ECPAS: variants seen among roughly 807,000 people sequenced by gnomAD.
The protein encoded by ECPAS is proteasome adapter and scaffold protein ECM29.
Under a neutral mutation model 255.1 loss-of-function variants are expected in ECPAS, and 70 were observed. The observed-to-expected ratio is 0.27, with a 90% CI of 0.23 to 0.33. ECPAS has a LOEUF of 0.33. Among genes scored for constraint, ECPAS ranks in the 10% least tolerant of loss-of-function variants. The pLI is 1.00. For synonymous variants in ECPAS, 784 were observed against 775.0 expected, an observed-to-expected ratio of 1.01 and a Z score of -0.19; for missense variants, 1,817 against 2,206.4, an observed-to-expected ratio of 0.82 and a Z score of 3.54.
rs907192674 is a variant in ECPAS, at chr9:111,373,077, T to A, written c.4336+93A>T. 3.1e-6 allele frequency: 3 copies of A among 975,950 alleles called. No individual in the cohort carries two copies. In the East Asian group the frequency reaches 7.2e-5, roughly 23 times the overall value. 60.5% of individuals were successfully genotyped at this position (975,950 alleles called of 1,614,324 possible). A position where few individuals can be genotyped will look rare whatever the true frequency, so the allele number is the denominator to read the frequency against. On this transcript the variant is annotated intron_variant, in intron 41 of 49. Coordinates refer to ENST00000684092, the MANE Select transcript of ECPAS (RefSeq NM_001364929.1). ...AAACAAATGTTTCTAGCAAATCACATAAAATCATGGAGGGTAAGACCTAAT... is the reference window on the plus strand; with the variant it reads ...AAACAAATGTTTCTAGCAAATCACAAAAAATCATGGAGGGTAAGACCTAAT...
At chr9:111,450,202 G>C (rs1285314155) in intron 3 of ECPAS, among the ~76,000 whole-genome samples, 2 of 152,122 alleles carry the variant, frequency 1.3e-5, no homozygotes, top group Non-Finnish European at 2.9e-5. Context: ...TAACAAAACT[G>C]ATAAGGCTAA....
rs1244283323 is a variant in ECPAS at position 111,364,128 on chromosome 9, T to C, written c.5309-469A>G. Reference sequence around the variant, plus strand: ...TGCCTGTTCTTTATCCATAAAAGGATGCTGCTGCCAACAACTGCGAATGAA... The same window carrying C: ...TGCCTGTTCTTTATCCATAAAAGGACGCTGCTGCCAACAACTGCGAATGAA... On this transcript the variant is annotated intron_variant, in intron 48 of 49. Transcript: ENST00000684092. 2.0e-5 allele frequency among the ~76,000 whole-genome samples: 3 copies of C among 152,226 alleles called. No individual in the cohort carries two copies. The East Asian group carries it at 5.8e-4, about 29-fold the overall frequency.
At chr9:111,467,800 T>C (rs988645286) in intron 2 of ECPAS, among the ~76,000 whole-genome samples, 1 of 152,154 alleles carries the variant, frequency 6.6e-6, no homozygotes, top group Non-Finnish European at 1.5e-5. Context: ...CACAAAGCAG[T>C]TTCACATGGC....
chr9:111,434,228 C>T (rs1700297953), intron 7 of ECPAS, among the ~76,000 whole-genome samples: 1 of 152,118 alleles, frequency 6.6e-6, no homozygotes, highest in South Asian at 2.1e-4. Context: ...ATACAACTTA[C>T]TTTTAACAAC....
At chr9:111,401,385 A>G (rs1239594498) in intron 24 of ECPAS, among the ~76,000 whole-genome samples, 2 of 152,208 alleles carry the variant, frequency 1.3e-5, no homozygotes, top group African/African-American at 4.8e-5. Flanking sequence ...GGATTTTGAA[A>G]GGGGAGGGGG....
In ECPAS at chr9:111,411,831, C is replaced by A. The variant is rs73656246; in HGVS notation, c.2214+183G>T. 12 of 515,984 alleles carry A rather than the reference C, an allele frequency of 2.3e-5. No individual in the cohort carries two copies. The East Asian group carries it at 3.8e-4, about 16-fold the overall frequency. 32.0% of individuals were successfully genotyped at this position (515,984 alleles called of 1,614,324 possible). A position where few individuals can be genotyped will look rare whatever the true frequency, so the allele number is the denominator to read the frequency against. ...AAAACAGTGCTTATCAGACACAGCA[C>A]CCGTATCTGTTAAGTGAGCTGACTG... is the stretch of plus-strand genomic sequence containing the variant. On this transcript the variant is annotated intron_variant, in intron 21 of 49. Coordinates refer to ENST00000684092, the MANE Select transcript of ECPAS (RefSeq NM_001364929.1).
At chr9:111,391,433 C>T (rs1206251223) in intron 29 of ECPAS, among the ~76,000 whole-genome samples, 1 of 151,982 alleles carries the variant, frequency 6.6e-6, no homozygotes, top group Admixed American at 6.6e-5. Context: ...AAAAATTAGC[C>T]AGGCGTGGTG....
At chr9:111,408,443 G>GCTT (rs1161615542) in intron 24 of ECPAS, 128 bp downstream of exon 24, 1 of 589,086 alleles carries the variant, frequency 1.7e-6, no homozygotes, top group Admixed American at 3.4e-5. Flanking sequence ...TAGTACTCAA[G>GCTT]TATCTGGTGA....
At chr9:111,394,014 C>A in intron 26 of ECPAS, 146 bp downstream of exon 26, 1 of 854,156 alleles carries the variant, frequency 1.2e-6, no homozygotes, top group Non-Finnish European at 1.7e-6. Context: ...AGCCTATATA[C>A]ATCAGGCCAC....
intron 18 of ECPAS, among the ~76,000 whole-genome samples, chr9:111,416,004 C>T (rs1419304792): frequency 6.6e-6 from 1 of 152,114 alleles, no homozygotes; most frequent in Non-Finnish European, 1.5e-5. Flanking sequence ...TAACTTGCTG[C>T]AAAATCCCAA....
At chr9:111,475,713 G>A (rs1327500722) in intron 1 of ECPAS, among the ~76,000 whole-genome samples, 1 of 150,822 alleles carries the variant, frequency 6.6e-6, no homozygotes, top group Non-Finnish European at 1.5e-5. Context: ...TCCAGCCTGA[G>A]TGACAGAGTG....
chr9:111,413,287 T>C lies in ECPAS; in HGVS notation c.2079+608A>G, dbSNP rs1198963831. Among the ~76,000 whole-genome samples, 3 of 152,202 alleles carry C rather than the reference T, an allele frequency of 2.0e-5. 1 individual carries two copies. The highest frequency in any genetic ancestry group is 7.2e-5 in the African/African-American group (3 of 41,446). On this transcript the variant is annotated intron_variant, in intron 20 of 49. Coordinates refer to ENST00000684092, the MANE Select transcript of ECPAS (RefSeq NM_001364929.1). ...ATCTATAAAGATCTAGAATACATGATAGTACATTCATACAATAAAAACTGA... is the reference window on the plus strand; with the variant it reads ...ATCTATAAAGATCTAGAATACATGACAGTACATTCATACAATAAAAACTGA...
chr9:111,395,495 A>G (rs1451092348), intron 25 of ECPAS, among the ~76,000 whole-genome samples: 1 of 152,178 alleles, frequency 6.6e-6, no homozygotes, highest in Admixed American at 6.5e-5. Context: ...TTCCTTTCCC[A>G]AAACAGACAA....
intron 2 of ECPAS, among the ~76,000 whole-genome samples, chr9:111,453,139 C>A (rs1260248268): frequency 1.3e-5 from 2 of 152,018 alleles, no homozygotes; most frequent in Non-Finnish European, 2.9e-5. Flanking sequence ...CCCAGCTACT[C>A]CAGAGGCTGA....
intron 2 of ECPAS, among the ~76,000 whole-genome samples, chr9:111,461,383 T>G (rs1205976029): frequency 2.6e-5 from 4 of 152,038 alleles, no homozygotes; most frequent in Non-Finnish European, 5.9e-5. Context: ...GAGAACTGCT[T>G]GAGCCCAGGA....
At chr9:111,450,481 C>A (rs2098258949) in intron 3 of ECPAS, among the ~76,000 whole-genome samples, 1 of 152,168 alleles carries the variant, frequency 6.6e-6, no homozygotes, top group South Asian at 2.1e-4. Context: ...CAGGGCAGAC[C>A]TCCAGGAAGT....
chr9:111,459,114 G>A (rs191090497), intron 2 of ECPAS, among the ~76,000 whole-genome samples: 28 of 152,114 alleles, frequency 1.8e-4, no homozygotes, highest in African/African-American at 6.7e-4. Context: ...GTTTGGCAGA[G>A]TAATTATATA....
In ECPAS at chr9:111,408,690, T is replaced by G; in HGVS notation, c.2551-18A>C. 1 of 1,505,590 alleles carries G rather than the reference T, an allele frequency of 6.6e-7. No individual in the cohort carries two copies. Among genetic ancestry groups the G allele is most frequent in the Non-Finnish European group, 8.9e-7 (1 of 1,118,228 alleles). The allele number at this position is 1,505,590 out of a possible 1,614,324, so 93.3% of individuals were successfully genotyped here. A position where few individuals can be genotyped will look rare whatever the true frequency, so the allele number is the denominator to read the frequency against. The stretch of plus-strand genomic sequence containing the variant: ...TCTTTCATCTGGAAGAACACCAAAT[T>G]TTTTTCTTTTAAACAGAGTATATAA... On this transcript the variant is annotated intron_variant, in intron 23 of 49. Transcript: ENST00000684092.
At chr9:111,456,601 G>C (rs1391071812) in intron 2 of ECPAS, among the ~76,000 whole-genome samples, 1 of 152,174 alleles carries the variant, frequency 6.6e-6, no homozygotes. Flanking sequence ...TCAAAGGTCA[G>C]AAAACAACAC....
Sources: gnomAD v4.1 joint callset for allele counts (sites outside exome capture counted in the v4.1 genomes callset) on GRCh38, gnomAD v4.1.1 for gene constraint, MANE v1.5 for transcripts, NCBI Gene and HGNC (gene_info 2026-07-23, HGNC 2026-07-21) for gene names.